Variants in EXOC1 observed in about 807,000 individuals in gnomAD.
EXOC1 encodes SEC3-like 1.
EXOC1 carries 67 observed loss-of-function variants against 107.7 expected under a neutral mutation model. The ratio of observed to expected loss-of-function variants is 0.62; its 90% CI spans 0.51 to 0.76. EXOC1 has a LOEUF of 0.76. Ranked by LOEUF, EXOC1 falls within the 30% of genes least tolerant of loss-of-function variation. The pLI is 0.00. For missense variants in EXOC1, 833 were observed against 1,055.7 expected (o/e 0.79, Z 2.92); for synonymous variants, 348 against 353.5 (o/e 0.98, Z 0.17).
intron 16 of EXOC1, among the ~76,000 whole-genome samples, chr4:55,898,253 T>C (rs1436753529): frequency 6.6e-6 from 1 of 152,142 alleles, no homozygotes; most frequent in Non-Finnish European, 1.5e-5. Flanking sequence ...CCAGACCCTG[T>C]CTTAAAAATA....
chr4:55,889,737 G>A (rs1228843079), intron 11 of EXOC1, among the ~76,000 whole-genome samples: 1 of 152,152 alleles, frequency 6.6e-6, no homozygotes. Context: ...AGTATGGGCA[G>A]TTTCATGTGG....
In EXOC1 at chr4:55,904,546, A is replaced by T; in HGVS notation, c.*51A>T. The T allele has an allele frequency of 1.3e-6, 2 of 1,508,420 alleles. No homozygotes were observed. Among genetic ancestry groups the T allele is most frequent in the East Asian group, 4.7e-5 (2 of 42,434 alleles). 93.4% of individuals were successfully genotyped at this position (1,508,420 alleles called of 1,614,324 possible). A position where few individuals can be genotyped will look rare whatever the true frequency, so the allele number is the denominator to read the frequency against. ...TGAATGAAGCATTTGAGTATAACAG[A>T]CACTATACCAAAATACCAAGCAACT... On this transcript the variant is annotated 3_prime_UTR_variant, in exon 19 of 19. Coordinates refer to ENST00000381295, the MANE Select transcript of EXOC1 (RefSeq NM_001024924.2).
Position 55,858,344 on chromosome 4 carries a change from A to G in EXOC1, c.21A>G (p.Ala7=), listed in dbSNP as rs1278694470. 4 of 1,608,854 alleles carry G rather than the reference A, an allele frequency of 2.5e-6. No individual in the cohort carries two copies. In the South Asian group the frequency reaches 3.3e-5, roughly 13 times the overall value. The change falls in exon 2 of 19, where the codon GCA becomes GCG. Residue 7 remains alanine, a synonymous_variant. Transcript: ENST00000381295. MTAIKH[A]LQRDIFTPND... is the part of the protein sequence containing the mutation. ...AAAAGATGACAGCAATCAAGCATGC[A>G]TTACAAAGAGACATTTTTACACCAA...
At chr4:55,903,743 A>G (rs751320681) in intron 18 of EXOC1, among the ~76,000 whole-genome samples, 2 of 152,166 alleles carry the variant, frequency 1.3e-5, no homozygotes, top group African/African-American at 2.4e-5. Flanking sequence ...CATTATGTCA[A>G]TGTGTGTATC....
At chr4:55,898,484 T>C in intron 16 of EXOC1, among the ~76,000 whole-genome samples, 1 of 152,118 alleles carries the variant, frequency 6.6e-6, no homozygotes, top group East Asian at 1.9e-4. Context: ...AGCATTGTTA[T>C]TGAAGTGCTA....
chr4:55,884,220 G>A (rs1331242243), intron 10 of EXOC1, among the ~76,000 whole-genome samples: 1 of 152,190 alleles, frequency 6.6e-6, no homozygotes, highest in Non-Finnish European at 1.5e-5. Flanking sequence ...ATGAAGTGCA[G>A]TCAAGTAGAG....
intron 10 of EXOC1, among the ~76,000 whole-genome samples, chr4:55,884,397 AAAAG>A (rs1212641633): frequency 6.6e-6 from 1 of 152,250 alleles, no homozygotes; most frequent in Non-Finnish European, 1.5e-5. Context: ...TTTTGAATCA[AAAAG>A]AAAGTTTAAA....
intron 17 of EXOC1, among the ~76,000 whole-genome samples, chr4:55,900,216 G>A (rs1168249603): frequency 1.3e-5 from 2 of 152,176 alleles, no homozygotes; most frequent in African/African-American, 4.8e-5. Context: ...GAAACTGAAA[G>A]TAAAAAAACT....
chr4:55,865,433 T>C (rs1424324829), intron 4 of EXOC1, among the ~76,000 whole-genome samples: 2 of 152,330 alleles, frequency 1.3e-5, no homozygotes, highest in South Asian at 2.1e-4. Context: ...GCTGGTCTTA[T>C]GTAGGAATCC....
intron 9 of EXOC1, among the ~76,000 whole-genome samples, chr4:55,880,088 A>G (rs1484544515): frequency 2.0e-5 from 3 of 152,104 alleles, no homozygotes; most frequent in Non-Finnish European, 2.9e-5. Flanking sequence ...TGATAGTAAG[A>G]AGGAGGCAAA....
chr4:55,866,077 TA>T (rs967464838), intron 4 of EXOC1, among the ~76,000 whole-genome samples: 96 of 150,434 alleles, frequency 6.4e-4, no homozygotes, highest in African/African-American at 1.8e-3. Flanking sequence ...TAATTCCCAT[TA>T]AAAAAAAATG....
chr4:55,894,207 T>C (rs1947130), intron 15 of EXOC1, among the ~76,000 whole-genome samples: 95,542 of 151,662 alleles, frequency 0.63, 30,434 homozygotes, highest in East Asian at 0.82. Flanking sequence ...TGCCTATAAT[T>C]CCAACTACTC....
rs555494062 is a variant in EXOC1, at chr4:55,877,594, T to A, written c.1075-323T>A. ...TCAAGAAGGTCATTTGCTTGGTAAA[T>A]TGTGAAATATGGTATGAGAGAGACA... On this transcript the variant is annotated intron_variant, in intron 8 of 18. Coordinates refer to ENST00000381295, the MANE Select transcript of EXOC1 (RefSeq NM_001024924.2). The A allele has an allele frequency of 6.1e-6, 6 of 985,390 alleles. No individual in the cohort carries two copies. The East Asian group carries it at 4.5e-4, about 75-fold the overall frequency. The allele number at this position is 985,390 out of a possible 1,614,324, so 61.0% of individuals were successfully genotyped here. A position where few individuals can be genotyped will look rare whatever the true frequency, so the allele number is the denominator to read the frequency against.
intron 18 of EXOC1, among the ~76,000 whole-genome samples, chr4:55,903,147 TAA>T (rs10544843): frequency 2.0e-4 from 20 of 98,476 alleles, no homozygotes; most frequent in Non-Finnish European, 2.3e-4. Flanking sequence ...GTGTCTCAAT[TAA>T]AAAAAAAAAA....
chr4:55,901,030 A>C (rs985633510), intron 17 of EXOC1, among the ~76,000 whole-genome samples: 36 of 152,232 alleles, frequency 2.4e-4, no homozygotes, highest in Non-Finnish European at 3.5e-4. Flanking sequence ...CTCAGGCCTA[A>C]AGCTTACATG....
chr4:55,893,696 A>T lies in EXOC1; in HGVS notation c.1869A>T (p.Ala623=). The T allele has an allele frequency of 6.2e-7, 1 of 1,614,182 alleles. No homozygotes were observed. The highest frequency in any genetic ancestry group is 8.5e-7 in the Non-Finnish European group (1 of 1,180,026). The change falls in exon 15 of 19, where the codon GCA becomes GCT. Residue 623 remains alanine (A), a synonymous_variant. Coordinates refer to ENST00000381295, the MANE Select transcript of EXOC1 (RefSeq NM_001024924.2). ...LVKMSHHVWT[A]QNVDPASFLS... Reference sequence around the variant, plus strand: ...AAATGAGTCATCATGTGTGGACTGCACAAAATGTGGACCCTGCTTCTTTCC... The same window carrying T: ...AAATGAGTCATCATGTGTGGACTGCTCAAAATGTGGACCCTGCTTCTTTCC...
At chr4:55,884,484 AAG>A (rs1723687255) in intron 10 of EXOC1, among the ~76,000 whole-genome samples, 1 of 152,226 alleles carries the variant, frequency 6.6e-6, no homozygotes, top group South Asian at 2.1e-4. Flanking sequence ...TATTTTTCTA[AAG>A]AGATGCTTTG....
At chr4:55,854,874 T>A (rs1306423749) in intron 1 of EXOC1, among the ~76,000 whole-genome samples, 1 of 152,140 alleles carries the variant, frequency 6.6e-6, no homozygotes, top group Non-Finnish European at 1.5e-5. Context: ...TGAACATCCC[T>A]CCCTTCTTTA....
chr4:55,877,186 A>G, intron 8 of EXOC1: 11 of 984,882 alleles, frequency 1.1e-5, no homozygotes, highest in Non-Finnish European at 1.3e-5. Flanking sequence ...ACACATTCAT[A>G]ATTAGCTTTA....
Sources: allele counts gnomAD v4.1 joint callset (sites outside exome capture counted in the v4.1 genomes callset), GRCh38; gene constraint gnomAD v4.1.1; transcripts MANE v1.5; gene names NCBI Gene and HGNC (gene_info 2026-07-23, HGNC 2026-07-21).